The following MORN1 variants were observed in gnomAD, a reference collection of about 807,000 sequenced individuals.
MORN1 encodes the protein MORN repeat containing 1.
A neutral mutation model predicts 61.9 loss-of-function variants in MORN1; 67 were observed. That is an observed-to-expected ratio of 1.08 (90% confidence interval 0.89 to 1.33). The LOEUF (loss-of-function observed/expected upper bound fraction) is 1.33, where lower values mean the gene tolerates loss of function less well. Among genes scored for constraint, MORN1 ranks in the 40% most tolerant of loss-of-function variants. The pLI is 0.00. For synonymous variants in MORN1, 301 were observed against 292.0 expected, an observed-to-expected ratio of 1.03 and a Z score of -0.31; for missense variants, 752 against 691.2, an observed-to-expected ratio of 1.09 and a Z score of -0.99.
At chr1:2,351,829 G>T in intron 10 of MORN1, 1 of 527,958 alleles carries the variant, frequency 1.9e-6, no homozygotes, top group Non-Finnish European at 3.7e-6. Context: ...TCCGTGTGTG[G>T]CAGCATCTTG....
intron 10 of MORN1, among the ~76,000 whole-genome samples, chr1:2,341,121 G>A (rs907139132): frequency 1.3e-5 from 2 of 152,174 alleles, no homozygotes; most frequent in African/African-American, 2.4e-5. Context: ...GGCTCCTCCC[G>A]ACGGAGCCTC....
intron 10 of MORN1, among the ~76,000 whole-genome samples, chr1:2,349,048 C>A (rs1569965571): frequency 6.6e-6 from 1 of 152,198 alleles, no homozygotes; most frequent in Admixed American, 6.5e-5. Flanking sequence ...GATGCTGCCT[C>A]CATCACCCCC....
At chr1:2,335,505 G>T (rs1453712915) in intron 12 of MORN1, among the ~76,000 whole-genome samples, 1 of 152,198 alleles carries the variant, frequency 6.6e-6, no homozygotes, top group Non-Finnish European at 1.5e-5. Context: ...GGCGACAGGG[G>T]TCTGGTTCTC....
At chr1:2,380,046 G>A (rs937662286) in intron 6 of MORN1, among the ~76,000 whole-genome samples, 1 of 152,178 alleles carries the variant, frequency 6.6e-6, no homozygotes, top group African/African-American at 2.4e-5. Context: ...GGGGGGTGCG[G>A]GCCCGGCTCA....
intron 5 of MORN1, chr1:2,385,338 G>A (rs1642469860): frequency 1.9e-6 from 1 of 528,358 alleles, no homozygotes; most frequent in Non-Finnish European, 3.4e-6. Context: ...TGACCCAGGA[G>A]AGGCAACGGG....
In MORN1 at chr1:2,389,923, A is replaced by C; in HGVS notation, c.148+2T>G. ...CAAGAAGAGACCACAGATGCTTCTC[A>C]CCGTGCTTCCTCCCTGCTTTCCATT... On this transcript the variant is annotated splice_donor_variant, in intron 2 of 13. Coordinates refer to ENST00000378531, the MANE Select transcript of MORN1 (RefSeq NM_024848.3). LOFTEE classifies it high-confidence loss of function. 1 of 1,613,834 alleles carries C rather than the reference A, an allele frequency of 6.2e-7. No individual in the cohort carries two copies. Among genetic ancestry groups the C allele is most frequent in the Non-Finnish European group, 8.5e-7 (1 of 1,179,760 alleles).
At position 2,352,976 on chromosome 1, in the gene MORN1, G is replaced by A. The variant is rs553858284; in HGVS notation, c.1036+4456C>T. On this transcript the variant is annotated intron_variant, in intron 10 of 13. Coordinates refer to ENST00000378531, the MANE Select transcript of MORN1 (RefSeq NM_024848.3). Reference sequence around the variant, plus strand: ...GCAGGAGTCTCAAGAGACACCCTGCGTCCCATGGCCCCCAGCCCTCTCCCA... The same window carrying A: ...GCAGGAGTCTCAAGAGACACCCTGCATCCCATGGCCCCCAGCCCTCTCCCA... 1.3e-3 allele frequency among the ~76,000 whole-genome samples: 191 copies of A among 152,298 alleles called. 1 individual carries two copies. The highest frequency in any genetic ancestry group is 1.4e-3 in the Non-Finnish European group (93 of 68,032).
At chr1:2,373,432 G>A (rs950128745) in intron 7 of MORN1, among the ~76,000 whole-genome samples, 2 of 152,220 alleles carry the variant, frequency 1.3e-5, no homozygotes, top group South Asian at 2.1e-4. Context: ...GCCAGACTGC[G>A]TCCTGCACCT....
At chr1:2,341,630 A>G (rs1641396665) in intron 10 of MORN1, among the ~76,000 whole-genome samples, 1 of 151,540 alleles carries the variant, frequency 6.6e-6, no homozygotes, top group African/African-American at 2.4e-5. Flanking sequence ...GGCAGAGGTT[A>G]CTGTGAGCCA....
chr1:2,327,475 AAC>A (rs1177909687), intron 12 of MORN1, among the ~76,000 whole-genome samples: 1 of 149,884 alleles, frequency 6.7e-6, no homozygotes, highest in East Asian at 2.0e-4. Context: ...GAAACACAGA[AAC>A]ACACAGAAAC....
chr1:2,387,778 AC>A (rs1642541021), intron 3 of MORN1: 1 of 523,652 alleles, frequency 1.9e-6, no homozygotes, highest in South Asian at 2.5e-5. Flanking sequence ...AGGGCAAAGG[AC>A]CCTCTGGTCG....
At chr1:2,356,303 G>A (rs959362850) in intron 10 of MORN1, among the ~76,000 whole-genome samples, 2 of 152,162 alleles carry the variant, frequency 1.3e-5, no homozygotes, top group Admixed American at 6.5e-5. Flanking sequence ...CATATGAGGC[G>A]CATTTGGGGA....
chr1:2,358,816 C>T (rs139402066), intron 8 of MORN1, 101 bp from the exon 9 acceptor site: 58 of 1,428,984 alleles, frequency 4.1e-5, no homozygotes, highest in Non-Finnish European at 5.1e-5. Context: ...TATAACTCAG[C>T]GGGGCCACAT....
chr1:2,358,598 G>C lies in MORN1; in HGVS notation c.863C>G (p.Thr288Ser), dbSNP rs765753858. The change falls in exon 9 of 14, where the codon ACC (threonine) becomes AGC (serine). Residue 288 changes from threonine (T) to serine (S), a missense_variant. By Grantham distance (58) the Thr-to-Ser change is moderately conservative. Transcript: ENST00000378531. Reference protein sequence around the residue: ...DRDNQETLIQTPFGFECIPYP... With the variant: ...DRDNQETLIQSPFGFECIPYP... ...TGGTGTCACACGTACTCACAATGGG[G>C]TCTGGATGAGTGTCTCTTGGTTGTC... is the stretch of plus-strand genomic sequence containing the variant. The C allele has an allele frequency of 1.2e-6, 2 of 1,614,100 alleles. No homozygotes were observed. Among genetic ancestry groups the C allele is most frequent in the South Asian group, 1.1e-5 (1 of 91,088 alleles).
chr1:2,328,345 C>G (rs1272910505), intron 12 of MORN1, among the ~76,000 whole-genome samples: 1 of 152,224 alleles, frequency 6.6e-6, no homozygotes, highest in Non-Finnish European at 1.5e-5. Context: ...GAAGGGCGCC[C>G]ACTGGTGCAG....
chr1:2,363,163 A>G (rs1447702728), intron 8 of MORN1: 10 of 152,262 alleles, frequency 6.6e-5, no homozygotes. Flanking sequence ...CATAAAATGT[A>G]TGAAAACAAC....
At chr1:2,379,485 G>A (rs1642323380) in intron 6 of MORN1, among the ~76,000 whole-genome samples, 1 of 152,148 alleles carries the variant, frequency 6.6e-6, no homozygotes, top group Non-Finnish European at 1.5e-5. Context: ...GAAGTCAAAA[G>A]GCCAAACTCC....
At chr1:2,355,540 G>A (rs1471770538) in intron 10 of MORN1, 8 of 1,509,954 alleles carry the variant, frequency 5.3e-6, no homozygotes, top group Non-Finnish European at 7.2e-6. Flanking sequence ...CTGGGGGCAG[G>A]GGCACGGGCA....
At chr1:2,345,919 AT>A (rs1380168811) in intron 10 of MORN1, among the ~76,000 whole-genome samples, 1 of 152,064 alleles carries the variant, frequency 6.6e-6, no homozygotes, top group Non-Finnish European at 1.5e-5. Flanking sequence ...CATGGGTTCT[AT>A]CTTGTCTCCC....
Sources: allele counts gnomAD v4.1 joint callset (sites outside exome capture counted in the v4.1 genomes callset), GRCh38; gene constraint gnomAD v4.1.1; transcripts MANE v1.5; gene names NCBI Gene and HGNC (gene_info 2026-07-23, HGNC 2026-07-21).